Variants in CEP83 observed in about 807,000 individuals in gnomAD.
CEP83 encodes centrosomal protein of 83 kDa.
Under a neutral mutation model 101.9 loss-of-function variants are expected in CEP83, and 70 were observed. The observed-to-expected ratio is 0.69, with a 90% confidence interval of 0.57 to 0.84. The LOEUF (loss-of-function observed/expected upper bound fraction) is 0.84. Among genes scored for constraint, CEP83 ranks in the 40% least tolerant of loss-of-function variants. The pLI, the probability that CEP83 is intolerant of heterozygous loss-of-function variation, is 0.00. For synonymous variants in CEP83, 264 were observed against 267.9 expected, an observed-to-expected ratio of 0.99 and a Z score of 0.14; for missense variants, 715 against 787.2, an observed-to-expected ratio of 0.91 and a Z score of 1.10.
intron 1 of CEP83, among the ~76,000 whole-genome samples, chr12:94,437,328 G>A (rs908471785): frequency 6.6e-6 from 1 of 152,180 alleles, no homozygotes; most frequent in Non-Finnish European, 1.5e-5. Flanking sequence ...CTGGGCAACA[G>A]GGCAAGACTT....
At chr12:94,279,527 G>A in the CEP83 span, 11 of 1,614,148 alleles carry the variant, frequency 6.8e-6, no homozygotes, top group East Asian at 8.9e-5. Context: ...GATGTCTGTC[G>A]GAATATTTCA....
Position 94,308,872 on chromosome 12 carries a change from C to G in CEP83, c.2047G>C (p.Glu683Gln). The G allele has an allele frequency of 6.2e-7, 1 of 1,612,948 alleles. No individual in the cohort carries two copies. Among genetic ancestry groups the G allele is most frequent in the Non-Finnish European group, 8.5e-7 (1 of 1,179,126 alleles). ...RELSLLRKRL[E>Q]ELETTQRKQL... is the part of the protein sequence containing the mutation. ...TTTCTTTGTGTTGTTTCCAGTTCTT[C>G]TAGTCTTTTGCGAAGTAGAGAGAGT... The change falls in exon 17 of 17, where the codon GAA (glutamate) becomes CAA (glutamine). Residue 683 changes from glutamate (E) to glutamine (Q), a missense_variant. By Grantham distance (29) the Glu-to-Gln change is conservative (BLOSUM62 2). Coordinates refer to ENST00000397809, the MANE Select transcript of CEP83 (RefSeq NM_016122.3).
chr12:94,386,285 G>A (rs1392771537), intron 6 of CEP83, among the ~76,000 whole-genome samples: 1 of 152,094 alleles, frequency 6.6e-6, no homozygotes, highest in African/African-American at 2.4e-5. Flanking sequence ...TTTCCACTCT[G>A]TCTAACGGAA....
chr12:94,421,446 T>C (rs2064738725), intron 2 of CEP83, among the ~76,000 whole-genome samples: 1 of 152,176 alleles, frequency 6.6e-6, no homozygotes, highest in African/African-American at 2.4e-5. Flanking sequence ...CTGTAGTCCT[T>C]TTCATTTTTC....
chr12:94,399,758 C>T (rs2063140516), intron 6 of CEP83, among the ~76,000 whole-genome samples: 1 of 152,048 alleles, frequency 6.6e-6, no homozygotes, highest in Non-Finnish European at 1.5e-5. Flanking sequence ...ACAGTCTAGC[C>T]CCATCTCACT....
chr12:94,345,646 T>C (rs1462945222), intron 11 of CEP83, among the ~76,000 whole-genome samples: 4 of 152,162 alleles, frequency 2.6e-5, no homozygotes, highest in Admixed American at 2.6e-4. Context: ...AAAAATCCTC[T>C]GAATTACCTT....
the CEP83 span, chr12:94,282,321 A>G: frequency 1.2e-6 from 2 of 1,613,950 alleles, no homozygotes; most frequent in Admixed American, 1.7e-5. Flanking sequence ...CACACGACAG[A>G]AAGAACTTCT....
chr12:94,283,284 G>C, the CEP83 span, among the ~76,000 whole-genome samples: 3 of 152,328 alleles, frequency 2.0e-5, no homozygotes, highest in East Asian at 5.8e-4. Flanking sequence ...AATTTAGCCA[G>C]ACTGGGCTAG....
At chr12:94,437,366 C>G (rs1431160357) in intron 1 of CEP83, among the ~76,000 whole-genome samples, 1 of 151,934 alleles carries the variant, frequency 6.6e-6, no homozygotes, top group Non-Finnish European at 1.5e-5. Context: ...CACACACAAA[C>G]AAATACAAGA....
At chr12:94,365,127 AAAGT>A (rs889826814) in intron 11 of CEP83, among the ~76,000 whole-genome samples, 3 of 152,230 alleles carry the variant, frequency 2.0e-5, no homozygotes, top group Non-Finnish European at 2.9e-5. Flanking sequence ...GAACTCTTAA[AAAGT>A]AAGGTAATTT....
In CEP83 at chr12:94,322,547, C is replaced by T. The variant is rs369590699; in HGVS notation, c.1707+9153G>A. Among the ~76,000 whole-genome samples the T allele has an allele frequency of 3.3e-5, 5 of 152,180 alleles. No homozygotes were observed. In the South Asian group the frequency reaches 1.0e-3, roughly 32 times the overall value. On this transcript the variant is annotated intron_variant, in intron 14 of 16. Coordinates refer to ENST00000397809, the MANE Select transcript of CEP83 (RefSeq NM_016122.3). The stretch of plus-strand genomic sequence containing the variant: ...GGCTGCAAAACAGCAAAGCTGGCAC[C>T]CTGCCCCTCTCTCTGGGAGAGCCAT...
chr12:94,275,484 C>T, the CEP83 span, among the ~76,000 whole-genome samples: 23 of 152,168 alleles, frequency 1.5e-4, no homozygotes, highest in Non-Finnish European at 2.8e-4. Flanking sequence ...CAGAGGCCCG[C>T]GTGCACTTTC....
chr12:94,422,370 C>G (rs1566159246), intron 2 of CEP83, among the ~76,000 whole-genome samples: 1 of 152,200 alleles, frequency 6.6e-6, no homozygotes, highest in Non-Finnish European at 1.5e-5. Flanking sequence ...GATCCTTTAT[C>G]ATAGTGTTGA....
chr12:94,310,378 T>A (rs927782890), intron 15 of CEP83, among the ~76,000 whole-genome samples: 1 of 151,466 alleles, frequency 6.6e-6, no homozygotes, highest in African/African-American at 2.4e-5. Flanking sequence ...TGGTACTCAC[T>A]CCTACCCTCC....
intron 11 of CEP83, among the ~76,000 whole-genome samples, chr12:94,351,058 A>T (rs2060175529): frequency 6.6e-6 from 1 of 152,172 alleles, no homozygotes; most frequent in Admixed American, 6.5e-5. Flanking sequence ...AAGGGAGAAC[A>T]ACAGAATTCA....
intron 11 of CEP83, among the ~76,000 whole-genome samples, chr12:94,364,188 A>C (rs1247772636): frequency 6.6e-6 from 1 of 152,184 alleles, no homozygotes; most frequent in Non-Finnish European, 1.5e-5. Context: ...GATGGTAATG[A>C]TGGTTCCACA....
At chr12:94,354,739 T>A (rs2060363710) in intron 11 of CEP83, among the ~76,000 whole-genome samples, 1 of 152,164 alleles carries the variant, frequency 6.6e-6, no homozygotes, top group Non-Finnish European at 1.5e-5. Context: ...AGGCCGGGTG[T>A]GGTGGCTCAC....
intron 2 of CEP83, among the ~76,000 whole-genome samples, chr12:94,421,653 T>C (rs2064759362): frequency 6.6e-6 from 1 of 152,242 alleles, no homozygotes; most frequent in Non-Finnish European, 1.5e-5. Flanking sequence ...GGATATGCTC[T>C]GATAAACTCA....
chr12:94,343,740 G>GC (rs1306089227), intron 11 of CEP83, among the ~76,000 whole-genome samples: 2 of 151,270 alleles, frequency 1.3e-5, no homozygotes, highest in Non-Finnish European at 2.9e-5. Context: ...TGATCCACCC[G>GC]CCTCGGCCTC....
Sources: allele counts gnomAD v4.1 joint callset (sites outside exome capture counted in the v4.1 genomes callset), GRCh38; gene constraint gnomAD v4.1.1; transcripts MANE v1.5; gene names NCBI Gene and HGNC (gene_info 2026-07-23, HGNC 2026-07-21).